Variants in ETFDH observed in about 807,000 individuals in gnomAD.
ETFDH encodes electron transfer flavoprotein dehydrogenase, also known as electron transfer flavoprotein-ubiquinone oxidoreductase, mitochondrial.
Under a neutral mutation model 73.2 loss-of-function variants are expected in ETFDH, and 61 were observed. The ratio of observed to expected loss-of-function variants is 0.83; its 90% confidence interval spans 0.68 to 1.03. The LOEUF (loss-of-function observed/expected upper bound fraction) is 1.03. ETFDH is among the 50% of genes least tolerant of loss of function. The pLI, the probability that ETFDH is intolerant of heterozygous loss-of-function variation, is 0.00. For missense variants in ETFDH, 685 were observed against 745.0 expected, an observed-to-expected ratio of 0.92 and a Z score of 0.94; for synonymous variants, 243 against 253.3, an observed-to-expected ratio of 0.96 and a Z score of 0.39.
chr4:158,704,214 C>G (rs1774546213), intron 10 of ETFDH, among the ~76,000 whole-genome samples: 1 of 152,162 alleles, frequency 6.6e-6, no homozygotes, highest in Non-Finnish European at 1.5e-5. Flanking sequence ...AAGATACCTC[C>G]CAAATACCTA....
At chr4:158,688,805 T>C (rs1774081628) in intron 5 of ETFDH, among the ~76,000 whole-genome samples, 1 of 152,250 alleles carries the variant, frequency 6.6e-6, no homozygotes, top group African/African-American at 2.4e-5. Flanking sequence ...ATTCATTACA[T>C]ACATGTTAAC....
rs547703016 is a variant in ETFDH at position 158,698,282 on chromosome 4, T to C, written c.972+583T>C. ...GTGGCAGCTTTATAGTTTAGTGTCA[T>C]GATTAGACCTCCATATGATACATTG... On this transcript the variant is annotated intron_variant, in intron 8 of 12. Coordinates refer to ENST00000511912, the MANE Select transcript of ETFDH (RefSeq NM_004453.4). Among the ~76,000 whole-genome samples the C allele has an allele frequency of 9.2e-5, 14 of 152,360 alleles. No homozygotes were observed. The East Asian group carries it at 2.7e-3, about 29-fold the overall frequency.
rs1241072742 is a variant in ETFDH, at chr4:158,685,220, G to A, written c.606+1G>A. The A allele has an allele frequency of 2.0e-6, 3 of 1,526,252 alleles. No homozygotes were observed. The highest frequency in any genetic ancestry group is 1.8e-6 in the Non-Finnish European group (2 of 1,100,198). 94.5% of individuals were successfully genotyped at this position (1,526,252 alleles called of 1,614,324 possible). ...ATACCCTGGTTATGCAGCTGCTGAG[G>A]TTTGTATAGTTTTGTTTTGTTTTAA... On this transcript the variant is annotated splice_donor_variant, in intron 5 of 12. Coordinates refer to ENST00000511912, the MANE Select transcript of ETFDH (RefSeq NM_004453.4). LOFTEE classifies it high-confidence loss of function.
Position 158,682,228 on chromosome 4 carries a change from A to C in ETFDH, c.209A>C (p.Asp70Ala). 1 of 1,614,166 alleles carries C rather than the reference A, an allele frequency of 6.2e-7. No individual in the cohort carries two copies. Among genetic ancestry groups the C allele is most frequent in the African/African-American group, 1.3e-5 (1 of 75,052 alleles). Residue 70 changes from aspartate (D) to alanine (A), a missense_variant, in exon 3 of 13, where the codon GAT becomes GCT. Coordinates refer to ENST00000511912, the MANE Select transcript of ETFDH (RefSeq NM_004453.4). ...ATGGAAAGGTTTGCAGAAGAAGCAG[A>C]TGTTGTAATAGTTGGTGCAGGCCCT... is the stretch of plus-strand genomic sequence containing the variant. Reference protein sequence around the residue: ...VNMERFAEEADVVIVGAGPAG... With the variant: ...VNMERFAEEAAVVIVGAGPAG...
At chr4:158,688,390 CAAAAAAAAA>C (rs34614893) in intron 5 of ETFDH, among the ~76,000 whole-genome samples, 3 of 100,134 alleles carry the variant, frequency 3.0e-5, no homozygotes, top group African/African-American at 1.2e-4. Context: ...GACTCTGTCT[CAAAAAAAAA>C]AAAAAAAAGG....
Position 158,709,504 on chromosome 4 carries a change from C to T in ETFDH, c.*977C>T. The stretch of plus-strand genomic sequence containing the variant: ...CCGAGATTGCGCCACCGCACTCCAG[C>T]CTGGGTGACAGAGCAAGACTCCATC... On this transcript the variant is annotated 3_prime_UTR_variant, in exon 13 of 13. Coordinates refer to ENST00000511912, the MANE Select transcript of ETFDH (RefSeq NM_004453.4). 3.2e-6 allele frequency: 1 copy of T among 317,004 alleles called. No individual in the cohort carries two copies. The highest frequency in any genetic ancestry group is 5.8e-6 in the Non-Finnish European group (1 of 173,822). 19.6% of individuals were successfully genotyped at this position (317,004 alleles called of 1,614,324 possible).
At chr4:158,678,757 C>T (rs532699040) in intron 1 of ETFDH, among the ~76,000 whole-genome samples, 6 of 151,218 alleles carry the variant, frequency 4.0e-5, no homozygotes, top group African/African-American at 9.7e-5. Context: ...TAGTGATCAT[C>T]GTACCTCAGC....
chr4:158,681,914 T>C (rs1459290475), intron 2 of ETFDH: 1 of 433,662 alleles, frequency 2.3e-6, no homozygotes, highest in Non-Finnish European at 4.2e-6. Context: ...TTAAGTGACT[T>C]GTGACTGTAT....
At chr4:158,684,907 T>TA in intron 4 of ETFDH, 194 bp from the exon 5 acceptor site, 3 of 616,260 alleles carry the variant, frequency 4.9e-6, no homozygotes, top group Non-Finnish European at 8.7e-6. Flanking sequence ...ATTTCTAACT[T>TA]AGTGCTTTAA....
chr4:158,691,151 G>A (rs1309632328), intron 6 of ETFDH, among the ~76,000 whole-genome samples: 1 of 152,178 alleles, frequency 6.6e-6, no homozygotes, highest in Non-Finnish European at 1.5e-5. Flanking sequence ...CCAGTGCAAG[G>A]AGAATTCAAA....
At position 158,703,544 on chromosome 4, in the gene ETFDH, C is replaced by T. The variant is rs748116203; in HGVS notation, c.1238C>T (p.Ser413Phe). The change falls in exon 10 of 13, where the codon TCT (serine) becomes TTT (phenylalanine). Residue 413 changes from serine to phenylalanine, a missense_variant. By Grantham distance (155) the Ser-to-Phe change is radical. Around this residue, in one of 3 missense-constraint regions of ETFDH, gnomAD observed 79 missense variants for 120.5 expected, o/e 0.66. Transcript: ENST00000511912. ...AMKSGILAAE[S>F]IFNQLTSENL... ...AAAAGTGGAATTTTAGCAGCAGAAT[C>T]TATTTTTAATCAACTAACTAGTGAA... 7 of 1,608,630 alleles carry T rather than the reference C, an allele frequency of 4.4e-6. No individual in the cohort carries two copies. The highest frequency in any genetic ancestry group is 6.0e-6 in the Non-Finnish European group (7 of 1,175,184).
At chr4:158,677,877 G>C (rs1773748755) in intron 1 of ETFDH, among the ~76,000 whole-genome samples, 1 of 152,134 alleles carries the variant, frequency 6.6e-6, no homozygotes, top group Admixed American at 6.5e-5. Flanking sequence ...CAGTGGTTGG[G>C]GGCCTTAGAA....
intron 5 of ETFDH, among the ~76,000 whole-genome samples, chr4:158,687,801 G>A (rs1774043498): frequency 6.6e-6 from 1 of 152,152 alleles, no homozygotes. Flanking sequence ...AGCACTTTGG[G>A]AGGCCAAGGC....
At chr4:158,676,138 TC>T (rs1445623716) in intron 1 of ETFDH, among the ~76,000 whole-genome samples, 1 of 152,110 alleles carries the variant, frequency 6.6e-6, no homozygotes, top group Non-Finnish European at 1.5e-5. Context: ...CAAATCAGTC[TC>T]CCCGAAAACT....
chr4:158,682,242 G>A lies in ETFDH; in HGVS notation c.223G>A (p.Gly75Ser). ...FAEEADVVIVGAGPAGLSAAV... is the reference protein window; with the variant it reads ...FAEEADVVIVSAGPAGLSAAV... The stretch of plus-strand genomic sequence containing the variant: ...AGAAGAAGCAGATGTTGTAATAGTT[G>A]GTGCAGGCCCTGCAGGGCTCTCTGC... Residue 75 changes from glycine (G) to serine (S), a missense_variant, in exon 3 of 13, where the codon GGT (glycine) becomes AGT (serine). Physicochemically the swap from Gly to Ser is moderately conservative, Grantham distance 56 (BLOSUM62 0). Around this residue, in one of 3 missense-constraint regions of ETFDH, gnomAD observed 405 missense variants for 399.3 expected, o/e 1.01. Coordinates refer to ENST00000511912, the MANE Select transcript of ETFDH (RefSeq NM_004453.4). 6.2e-7 allele frequency: 1 copy of A among 1,614,170 alleles called. No homozygotes were observed. Among genetic ancestry groups the A allele is most frequent in the Non-Finnish European group, 8.5e-7 (1 of 1,180,010 alleles).
chr4:158,689,715 C>A (rs1181410323), intron 5 of ETFDH, among the ~76,000 whole-genome samples: 1 of 145,974 alleles, frequency 6.9e-6, no homozygotes, highest in African/African-American at 2.5e-5. Flanking sequence ...TTACAATCTG[C>A]TGTGTAATTG....
At position 158,706,272 on chromosome 4, in the gene ETFDH, T is replaced by C. The variant is rs1404615636; in HGVS notation, c.1369T>C (p.Ser457Pro). ...ELYSVRNIRP[S>P]CHGVLGVYGG... The stretch of plus-strand genomic sequence containing the variant: ...ATATTCTGTTAGAAATATAAGACCG[T>C]CCTGCCACGGAGTACTGGGTGTATA... The change falls in exon 11 of 13, where the codon TCC becomes CCC. Residue 457 changes from serine (S) to proline (P), a missense_variant. Coordinates refer to ENST00000511912, the MANE Select transcript of ETFDH (RefSeq NM_004453.4). The C allele has an allele frequency of 6.2e-7, 1 of 1,611,852 alleles. No individual in the cohort carries two copies. Among genetic ancestry groups the C allele is most frequent in the Non-Finnish European group, 8.5e-7 (1 of 1,178,044 alleles).
intron 3 of ETFDH, among the ~76,000 whole-genome samples, chr4:158,683,707 G>A (rs564341428): frequency 3.2e-4 from 49 of 152,098 alleles, no homozygotes; most frequent in African/African-American, 9.4e-4. Context: ...AGCCCCCTTA[G>A]TAGCTGGGAT....
At chr4:158,703,103 A>T (rs567217541) in intron 9 of ETFDH, among the ~76,000 whole-genome samples, 1 of 152,210 alleles carries the variant, frequency 6.6e-6, no homozygotes, top group Non-Finnish European at 1.5e-5. Flanking sequence ...TTTAACTATG[A>T]CATGGATATG....
Sources: gnomAD v4.1 joint callset for allele counts (sites outside exome capture counted in the v4.1 genomes callset) on GRCh38, gnomAD v4.1.1 for gene constraint, gnomAD v4.1.1 regional missense constraint, MANE v1.5 for transcripts, NCBI Gene and HGNC (gene_info 2026-07-23, HGNC 2026-07-21) for gene names.